MAPK10: variants seen among roughly 807,000 people sequenced by gnomAD.
MAPK10 encodes JNK3 alpha protein kinase.
In MAPK10, 25 loss-of-function variants were observed where a neutral mutation model predicts 59.3. That is an observed-to-expected ratio of 0.42 (90% CI 0.31 to 0.59). The LOEUF is 0.59. Among genes scored for constraint, MAPK10 ranks in the 20% least tolerant of loss-of-function variants. MAPK10 has a pLI of 0.15. For synonymous variants in MAPK10, 190 were observed against 200.5 expected (o/e 0.95, Z 0.44); for missense variants, 351 against 568.9 (o/e 0.62, Z 3.90).
intron 1 of MAPK10, among the ~76,000 whole-genome samples, chr4:86,481,582 C>A (rs566046141): frequency 2.5e-4 from 38 of 152,106 alleles, no homozygotes; most frequent in South Asian, 2.5e-3. Flanking sequence ...GAGTGTTGAC[C>A]CTAGCTGTGA....
chr4:86,251,444 C>T (rs761915794), intron 2 of MAPK10, among the ~76,000 whole-genome samples: 16 of 145,650 alleles, frequency 1.1e-4, no homozygotes, highest in East Asian at 2.0e-4. Context: ...TTTGTTCTTG[C>T]GATAGTTTAC....
intron 1 of MAPK10, among the ~76,000 whole-genome samples, chr4:86,396,203 C>G (rs985981543): frequency 1.1e-4 from 17 of 152,126 alleles, no homozygotes; most frequent in African/African-American, 4.1e-4. Context: ...AAAAATTAGC[C>G]AGGCCTGGTG....
At chr4:86,311,968 C>A (rs1057216745) in intron 2 of MAPK10, among the ~76,000 whole-genome samples, 48 of 94,134 alleles carry the variant, frequency 5.1e-4, no homozygotes, top group Non-Finnish European at 1.1e-4. Context: ...GGGGCAGACT[C>A]ATAAAAAACT....
chr4:86,359,448 C>CCTCCAG (rs1413297555), intron 1 of MAPK10, among the ~76,000 whole-genome samples: 1 of 151,652 alleles, frequency 6.6e-6, no homozygotes, highest in Non-Finnish European at 1.5e-5. Flanking sequence ...AAGGTTTCAA[C>CCTCCAG]ACGCCCAAGT....
chr4:86,124,679 T>TAA (rs1390135413), intron 4 of MAPK10: 1 of 152,042 alleles, frequency 6.6e-6, no homozygotes, highest in Non-Finnish European at 1.5e-5. Context: ...AAAGACAGGA[T>TAA]AAGATTTGAT....
In MAPK10 at chr4:86,584,805, A is replaced by G. The variant is rs147398677; in HGVS notation, c.-263+9105T>C. On this transcript the variant is annotated intron_variant, in intron 1 of 4. Transcript: ENST00000502302. ...TGTAGACAAACTGACAGGGTTATGA[A>G]GAAGGTGATTTTTGGTTAACAGATA... 5.8e-3 allele frequency among the ~76,000 whole-genome samples: 885 copies of G among 152,218 alleles called. 7 individuals are homozygous for G. The highest frequency in any genetic ancestry group is 0.019 in the African/African-American group (790 of 41,538).
chr4:86,180,032 C>A lies in MAPK10; in HGVS notation c.66+14304G>T, dbSNP rs115115713. On this transcript the variant is annotated intron_variant, in intron 3 of 13. Coordinates refer to ENST00000641462, the MANE Select transcript of MAPK10 (RefSeq NM_138982.4). ...TTTGCACAGCAAAGGAAACAATCAG[C>A]AAAGTGAAAATACAACCCAAAGAAT... Among the ~76,000 whole-genome samples the A allele has an allele frequency of 5.7e-3, 871 of 151,910 alleles. 9 individuals carry two copies. The highest frequency in any genetic ancestry group is 0.02 in the African/African-American group (837 of 41,438).
At chr4:86,300,425 T>C (rs925486266) in intron 2 of MAPK10, among the ~76,000 whole-genome samples, 2 of 152,128 alleles carry the variant, frequency 1.3e-5, no homozygotes, top group African/African-American at 4.8e-5. Context: ...TGCTCACTTC[T>C]TGTTTTAAAA....
chr4:86,124,140 A>ATTTT (rs2059703742), intron 4 of MAPK10: 13 of 152,128 alleles, frequency 8.5e-5, no homozygotes, highest in Middle Eastern at 3.4e-3. Flanking sequence ...ATTTTTGCTG[A>ATTTT]ACATAATTAC....
chr4:86,444,087 A>G (rs1749735477), intron 1 of MAPK10, among the ~76,000 whole-genome samples: 1 of 152,126 alleles, frequency 6.6e-6, no homozygotes, highest in African/African-American at 2.4e-5. Flanking sequence ...GAACTGCACA[A>G]CAACTACAAA....
chr4:86,514,795 T>C (rs1168453708), intron 1 of MAPK10, among the ~76,000 whole-genome samples: 1 of 152,226 alleles, frequency 6.6e-6, no homozygotes, highest in Admixed American at 6.5e-5. Flanking sequence ...ATTTGTGTAA[T>C]TCATACTAAG....
chr4:86,149,553 C>T (rs1177797385), intron 4 of MAPK10, among the ~76,000 whole-genome samples: 1 of 152,180 alleles, frequency 6.6e-6, no homozygotes, highest in Non-Finnish European at 1.5e-5. Context: ...AGGCACGAGT[C>T]ACCGCACCCA....
intron 1 of MAPK10, among the ~76,000 whole-genome samples, chr4:86,484,228 GA>G (rs1181891128): frequency 6.6e-6 from 1 of 152,132 alleles, no homozygotes; most frequent in Non-Finnish European, 1.5e-5. Context: ...ATCCTTTATT[GA>G]GTGCTAATGG....
intron 1 of MAPK10, among the ~76,000 whole-genome samples, chr4:86,427,527 A>T (rs1747462541): frequency 6.6e-6 from 1 of 152,174 alleles, no homozygotes; most frequent in Non-Finnish European, 1.5e-5. Context: ...CTGAATCCAT[A>T]GGACCTAAGT....
In MAPK10 at chr4:86,202,927, C is replaced by A. The variant is rs116507548; in HGVS notation, c.-6-8520G>T. Among the ~76,000 whole-genome samples, 559 of 152,040 alleles carry A rather than the reference C, an allele frequency of 3.7e-3. 4 individuals are homozygous for A. The highest frequency in any genetic ancestry group is 3.8e-3 in the Non-Finnish European group (256 of 67,906). ...AAAAGATAAAAAATGTTTACTATGA[C>A]AATCCCAGCAAATTACAAAAAATTC... is the stretch of plus-strand genomic sequence containing the variant. On this transcript the variant is annotated intron_variant, in intron 2 of 13. Coordinates refer to ENST00000641462, the MANE Select transcript of MAPK10 (RefSeq NM_138982.4).
intron 5 of MAPK10, 196 bp downstream of exon 5, chr4:86,107,027 G>A (rs2056668409): frequency 2.6e-6 from 1 of 386,458 alleles, no homozygotes; most frequent in Admixed American, 4.3e-5. Flanking sequence ...CACATCATAT[G>A]GTTTTTAGGT....
At chr4:86,392,861 T>C (rs943705229) in intron 1 of MAPK10, among the ~76,000 whole-genome samples, 4 of 152,238 alleles carry the variant, frequency 2.6e-5, no homozygotes, top group African/African-American at 9.6e-5. Flanking sequence ...GCAGCTGTTA[T>C]GAGTGCAAGA....
chr4:86,591,853 T>C (rs1286127824), intron 1 of MAPK10, among the ~76,000 whole-genome samples: 5 of 152,220 alleles, frequency 3.3e-5, no homozygotes, highest in Non-Finnish European at 7.3e-5. Context: ...ATCGTTTCTA[T>C]TGTTACAATG....
chr4:86,222,746 G>T (rs1201206798), intron 2 of MAPK10, among the ~76,000 whole-genome samples: 1 of 152,148 alleles, frequency 6.6e-6, no homozygotes, highest in Non-Finnish European at 1.5e-5. Flanking sequence ...GGTCCTCCAG[G>T]CCTCCAGAAG....
Sources: gnomAD v4.1 joint callset for allele counts (sites outside exome capture counted in the v4.1 genomes callset) on GRCh38, gnomAD v4.1.1 for gene constraint, MANE v1.5 for transcripts, NCBI Gene and HGNC (gene_info 2026-07-23, HGNC 2026-07-21) for gene names.